CHMP3: variants seen among roughly 807,000 people sequenced by gnomAD.
CHMP3 encodes 25.1 protein.
In CHMP3, 8 loss-of-function variants were observed where a neutral mutation model predicts 27.4. The ratio of observed to expected loss-of-function variants is 0.29; its 90% confidence interval spans 0.17 to 0.53. The LOEUF (loss-of-function observed/expected upper bound fraction) is 0.53. Ranked by LOEUF, CHMP3 falls within the 20% of genes least tolerant of loss-of-function variation. The pLI, the probability that CHMP3 is intolerant of heterozygous loss-of-function variation, is 0.96. For synonymous variants in CHMP3, 86 were observed against 85.5 expected (o/e 1.01, Z -0.03); for missense variants, 208 against 271.5 (o/e 0.77, Z 1.64).
intron 3 of CHMP3, among the ~76,000 whole-genome samples, chr2:86,521,161 A>G (rs1553404640): frequency 6.6e-6 from 1 of 152,144 alleles, no homozygotes; most frequent in Non-Finnish European, 1.5e-5. Context: ...CAAACCTATA[A>G]GAACTAATGA....
chr2:86,563,215 C>A, intron 1 of CHMP3, 89 bp downstream of exon 1: 1 of 1,481,304 alleles, frequency 6.8e-7, no homozygotes, highest in East Asian at 2.3e-5. Flanking sequence ...ATCGGGCAGG[C>A]GGTGGGGAGA....
intron 1 of CHMP3, among the ~76,000 whole-genome samples, chr2:86,545,929 G>A (rs1318782881): frequency 6.6e-6 from 1 of 152,188 alleles, no homozygotes; most frequent in African/African-American, 2.4e-5. Flanking sequence ...TGGGCGGCCA[G>A]GCAGAGACAC....
chr2:86,546,798 T>A (rs1248508160), intron 1 of CHMP3, among the ~76,000 whole-genome samples: 1 of 152,194 alleles, frequency 6.6e-6, no homozygotes, highest in Non-Finnish European at 1.5e-5. Flanking sequence ...GGAGAATTGT[T>A]TATTCATATC....
At position 86,524,435 on chromosome 2, in the gene CHMP3, C is replaced by T. The variant is rs374226218; in HGVS notation, c.286+4783G>A. Among the ~76,000 whole-genome samples, 70 of 152,066 alleles carry T rather than the reference C, an allele frequency of 4.6e-4. 1 individual carries two copies. Among genetic ancestry groups the T allele is most frequent in the Admixed American group, 3.7e-3 (56 of 15,278 alleles). On this transcript the variant is annotated intron_variant, in intron 3 of 5. Coordinates refer to ENST00000263856, the MANE Select transcript of CHMP3 (RefSeq NM_016079.4). ...CAATATCAAAAATATTCAACAACAA[C>T]GAAAATGAAAGGCTGTGTCTGTACC... is the stretch of plus-strand genomic sequence containing the variant.
intron 1 of CHMP3, among the ~76,000 whole-genome samples, chr2:86,557,365 T>C (rs1260184310): frequency 1.3e-5 from 2 of 152,186 alleles, no homozygotes; most frequent in African/African-American, 4.8e-5. Flanking sequence ...TCCATTCCCA[T>C]TGCCATTCTA....
At chr2:86,514,728 G>A (rs919899721) in intron 3 of CHMP3, among the ~76,000 whole-genome samples, 1 of 152,192 alleles carries the variant, frequency 6.6e-6, no homozygotes, top group Non-Finnish European at 1.5e-5. Context: ...CAGAAAGCAT[G>A]TGTTAGACTG....
intron 1 of CHMP3, among the ~76,000 whole-genome samples, chr2:86,557,904 A>G (rs1489232456): frequency 6.6e-6 from 1 of 152,186 alleles, no homozygotes; most frequent in African/African-American, 2.4e-5. Flanking sequence ...GAAGTCATCT[A>G]GTGTCTTATT....
intron 1 of CHMP3, among the ~76,000 whole-genome samples, chr2:86,552,968 G>A (rs1676968357): frequency 6.8e-6 from 1 of 147,018 alleles, no homozygotes; most frequent in Non-Finnish European, 1.5e-5. Flanking sequence ...GAACACATGG[G>A]CACATGGAGG....
intron 3 of CHMP3, among the ~76,000 whole-genome samples, chr2:86,525,545 A>C (rs971916542): frequency 1.3e-5 from 2 of 152,060 alleles, no homozygotes; most frequent in Admixed American, 1.3e-4. Flanking sequence ...AAAAAAAAAA[A>C]AAAACTACTT....
intron 1 of CHMP3, among the ~76,000 whole-genome samples, chr2:86,558,665 C>T (rs528915203): frequency 6.6e-6 from 1 of 152,226 alleles, no homozygotes; most frequent in South Asian, 2.1e-4. Flanking sequence ...GTGCCAGGAC[C>T]CAGACCCACC....
intron 2 of CHMP3, among the ~76,000 whole-genome samples, chr2:86,539,264 A>G (rs1676265284): frequency 6.6e-6 from 1 of 152,086 alleles, no homozygotes; most frequent in Admixed American, 6.6e-5. Context: ...CTTTTTTGGT[A>G]TCACCATCAA....
intron 3 of CHMP3, among the ~76,000 whole-genome samples, chr2:86,525,283 A>T (rs1675657538): frequency 6.6e-6 from 1 of 152,200 alleles, no homozygotes; most frequent in Admixed American, 6.5e-5. Flanking sequence ...AAATACAAAA[A>T]ACTTCAAAAT....
chr2:86,556,289 A>G (rs570631682), intron 1 of CHMP3, among the ~76,000 whole-genome samples: 176 of 152,322 alleles, frequency 1.2e-3, no homozygotes, highest in Middle Eastern at 6.8e-3. Context: ...AAGACAATCT[A>G]AAATATACAT....
chr2:86,516,431 T>C (rs1675310729), intron 3 of CHMP3, among the ~76,000 whole-genome samples: 1 of 152,150 alleles, frequency 6.6e-6, no homozygotes, highest in Non-Finnish European at 1.5e-5. Context: ...TTAGCCACTA[T>C]GGAAATGCAA....
At chr2:86,533,509 ATT>A (rs957762369) in intron 2 of CHMP3, among the ~76,000 whole-genome samples, 3 of 146,636 alleles carry the variant, frequency 2.0e-5, no homozygotes, top group African/African-American at 7.5e-5. Flanking sequence ...CTCATCTGAG[ATT>A]TTTTTTTTTG....
At chr2:86,511,044 ATCT>A (rs1299254855) in intron 3 of CHMP3, 1 of 152,316 alleles carries the variant, frequency 6.6e-6, no homozygotes, top group Non-Finnish European at 1.5e-5. Context: ...GCCTACTACA[ATCT>A]TCTTTATAAG....
Position 86,504,183 on chromosome 2 carries a change from A to C in CHMP3, c.*1621T>G, listed in dbSNP as rs1018031556. 9.2e-5 allele frequency: 14 copies of C among 152,326 alleles called. No homozygotes were observed. The highest frequency in any genetic ancestry group is 3.4e-4 in the African/African-American group (14 of 41,578). 9.4% of individuals were successfully genotyped at this position (152,326 alleles called of 1,614,324 possible). ...GTATGATTCTATAATTGTAGATATCATCATACATTTGTCTAAGCCCATACA... is the reference window on the plus strand; with the variant it reads ...GTATGATTCTATAATTGTAGATATCCTCATACATTTGTCTAAGCCCATACA... On this transcript the variant is annotated 3_prime_UTR_variant, in exon 6 of 6. Coordinates refer to ENST00000263856, the MANE Select transcript of CHMP3 (RefSeq NM_016079.4).
intron 1 of CHMP3, among the ~76,000 whole-genome samples, chr2:86,550,612 T>A (rs943645995): frequency 1.3e-5 from 2 of 152,378 alleles, no homozygotes; most frequent in African/African-American, 4.8e-5. Flanking sequence ...CGTAATCATA[T>A]AAATGGTAAT....
intron 3 of CHMP3, among the ~76,000 whole-genome samples, chr2:86,523,645 T>C (rs1017151494): frequency 1.6e-4 from 24 of 152,084 alleles, no homozygotes; most frequent in Admixed American, 1.4e-3. Context: ...AGAAAGCGTA[T>C]ACTTAAATCT....
Sources: gnomAD v4.1 joint callset for allele counts (sites outside exome capture counted in the v4.1 genomes callset) on GRCh38, gnomAD v4.1.1 for gene constraint, MANE v1.5 for transcripts, NCBI Gene and HGNC (gene_info 2026-07-23, HGNC 2026-07-21) for gene names.